MAP7: variants seen among roughly 807,000 people sequenced by gnomAD.
MAP7 encodes the protein ensconsin.
Under a neutral mutation model 94.8 loss-of-function variants are expected in MAP7, and 52 were observed. The ratio of observed to expected loss-of-function variants is 0.55; its 90% CI spans 0.44 to 0.69. The LOEUF is 0.69. Among genes scored for constraint, MAP7 ranks in the 30% least tolerant of loss-of-function variants. MAP7 has a pLI of 0.00. For missense variants in MAP7, 940 were observed against 964.6 expected (o/e 0.97, Z 0.34); for synonymous variants, 350 against 357.0 (o/e 0.98, Z 0.22).
intron 1 of MAP7, among the ~76,000 whole-genome samples, chr6:136,486,900 AAAGGT>A (rs1231774708): frequency 6.6e-6 from 1 of 152,256 alleles, no homozygotes; most frequent in Non-Finnish European, 1.5e-5. Context: ...ACATTTGACA[AAAGGT>A]AAGTAAACTT....
chr6:136,405,902 TTTGA>T (rs1785443400), intron 3 of MAP7, among the ~76,000 whole-genome samples: 1 of 152,194 alleles, frequency 6.6e-6, no homozygotes, highest in South Asian at 2.1e-4. Flanking sequence ...GGTAATCTTG[TTTGA>T]TTTTTTATTA....
At chr6:136,521,055 C>T (rs577879634) in intron 1 of MAP7, among the ~76,000 whole-genome samples, 3 of 152,264 alleles carry the variant, frequency 2.0e-5, no homozygotes, top group South Asian at 2.1e-4. Flanking sequence ...CACTGGAGCA[C>T]GCATGACCCA....
At chr6:136,491,321 C>T (rs751846829) in intron 1 of MAP7, among the ~76,000 whole-genome samples, 5 of 152,032 alleles carry the variant, frequency 3.3e-5, no homozygotes, top group Non-Finnish European at 7.4e-5. Flanking sequence ...AATATCTGAC[C>T]CAATTTATGC....
At chr6:136,516,387 G>A (rs1450321091) in intron 1 of MAP7, among the ~76,000 whole-genome samples, 3 of 152,032 alleles carry the variant, frequency 2.0e-5, no homozygotes, top group Admixed American at 6.6e-5. Flanking sequence ...TGAACTCCTG[G>A]GCTCAAATGA....
chr6:136,483,583 TA>T (rs990843806), intron 1 of MAP7, among the ~76,000 whole-genome samples: 2 of 151,752 alleles, frequency 1.3e-5, no homozygotes, highest in Non-Finnish European at 2.9e-5. Context: ...TATTGATAGT[TA>T]AAAAAAATGA....
chr6:136,510,432 G>A (rs1283082108), intron 1 of MAP7, among the ~76,000 whole-genome samples: 3 of 152,274 alleles, frequency 2.0e-5, no homozygotes, highest in South Asian at 2.1e-4. Context: ...ATGGTTACCC[G>A]TGAGTTCCGG....
chr6:136,435,491 G>A (rs1209019186), intron 1 of MAP7, among the ~76,000 whole-genome samples: 1 of 152,168 alleles, frequency 6.6e-6, no homozygotes, highest in Non-Finnish European at 1.5e-5. Flanking sequence ...CCCTCAAACT[G>A]CCACTTTTCC....
At chr6:136,344,698 A>C (rs1271289498) in intron 17 of MAP7, among the ~76,000 whole-genome samples, 5 of 152,218 alleles carry the variant, frequency 3.3e-5, no homozygotes, top group African/African-American at 9.6e-5. Context: ...ATTGTTCCCA[A>C]AGGCTTAAGA....
chr6:136,421,782 C>T lies in MAP7; in HGVS notation c.85G>A (p.Val29Met), dbSNP rs774047253. Reference sequence around the variant, plus strand: ...CTGGAGGCATTTTTCTTATCTTGCACTTTGTAGCTGTCGGGTGCTACAGAA... The same window carrying T: ...CTGGAGGCATTTTTCTTATCTTGCATTTTGTAGCTGTCGGGTGCTACAGAA... ...RSETAPDSYKVQDKKNASSRP... is the reference protein window; with the variant it reads ...RSETAPDSYKMQDKKNASSRP... The change falls in exon 2 of 18, where the codon GTG (valine) becomes ATG (methionine). Residue 29 changes from valine (V) to methionine (M), a missense_variant. Transcript: ENST00000354570. 6.2e-7 allele frequency: 1 copy of T among 1,612,424 alleles called. No individual in the cohort carries two copies. The highest frequency in any genetic ancestry group is 8.5e-7 in the Non-Finnish European group (1 of 1,179,552).
Position 136,365,611 on chromosome 6 carries a change from T to C in MAP7, c.1273+124A>G, listed in dbSNP as rs73559041. Reference sequence around the variant, plus strand: ...TTATACTTAAGGAAAGGTATTAAACTTAACCTTAGAGTAAAATTTCCAAGT... The same window carrying C: ...TTATACTTAAGGAAAGGTATTAAACCTAACCTTAGAGTAAAATTTCCAAGT... On this transcript the variant is annotated intron_variant, in intron 10 of 17. Coordinates refer to ENST00000354570, the MANE Select transcript of MAP7 (RefSeq NM_003980.6). The C allele has an allele frequency of 6.9e-3, 7,173 of 1,035,792 alleles. 116 individuals are homozygous for C. The highest frequency in any genetic ancestry group is 0.05 in the East Asian group (1,979 of 39,820). 64.2% of individuals were successfully genotyped at this position (1,035,792 alleles called of 1,614,324 possible).
intron 1 of MAP7, among the ~76,000 whole-genome samples, chr6:136,500,638 C>T (rs186934411): frequency 6.6e-6 from 1 of 152,328 alleles, no homozygotes; most frequent in African/African-American, 2.4e-5. Flanking sequence ...CTTGTGGTTA[C>T]ACTAAGTGCA....
rs112709320 is a variant in MAP7, at chr6:136,418,892, G to A, written c.166+2809C>T. 5.3e-3 allele frequency among the ~76,000 whole-genome samples: 806 copies of A among 152,216 alleles called. 11 individuals carry two copies. The highest frequency in any genetic ancestry group is 6.8e-3 in the Middle Eastern group (2 of 292). ...TCATATTGTCCTTTGAGGAGACTCAGGAAAATAATGACATGGTGGTTACTA... is the reference window on the plus strand; with the variant it reads ...TCATATTGTCCTTTGAGGAGACTCAAGAAAATAATGACATGGTGGTTACTA... On this transcript the variant is annotated intron_variant, in intron 2 of 17. Transcript: ENST00000354570.
intron 1 of MAP7, among the ~76,000 whole-genome samples, chr6:136,465,425 C>CTGAT (rs1806681960): frequency 6.6e-6 from 1 of 152,130 alleles, no homozygotes; most frequent in African/African-American, 2.4e-5. Flanking sequence ...GCTTATGCAT[C>CTGAT]AACTATGTCT....
intron 1 of MAP7, among the ~76,000 whole-genome samples, chr6:136,487,038 A>G (rs1814999453): frequency 6.6e-6 from 1 of 152,238 alleles, no homozygotes; most frequent in South Asian, 2.1e-4. Context: ...ATAAATGCAA[A>G]CTAAAACATA....
intron 3 of MAP7, among the ~76,000 whole-genome samples, chr6:136,393,539 C>CT (rs1444665323): frequency 1.3e-5 from 2 of 152,164 alleles, no homozygotes; most frequent in Non-Finnish European, 2.9e-5. Flanking sequence ...ACGCTGTACT[C>CT]TAAGGTCTTC....
intron 1 of MAP7, among the ~76,000 whole-genome samples, chr6:136,523,899 A>G (rs1827120470): frequency 6.6e-6 from 1 of 152,148 alleles, no homozygotes; most frequent in South Asian, 2.1e-4. Context: ...CTAAAAGACA[A>G]CTAAACAAAA....
At position 136,538,514 on chromosome 6, in the gene MAP7, G is replaced by A. The variant is rs762454130; in HGVS notation, c.67+11828C>T. Among the ~76,000 whole-genome samples, 14 of 152,140 alleles carry A rather than the reference G, an allele frequency of 9.2e-5. No individual in the cohort carries two copies. In the Middle Eastern group the frequency reaches 0.014, roughly 148 times the overall value. On this transcript the variant is annotated intron_variant, in intron 1 of 17. Coordinates refer to ENST00000354570, the MANE Select transcript of MAP7 (RefSeq NM_003980.6). ...AAATTTAAAACTATGGGCCAGGTGC[G>A]GTGGCTCACGCCTGTAATCCCAGCA...
At chr6:136,442,587 C>G (rs532837605) in intron 1 of MAP7, among the ~76,000 whole-genome samples, 1 of 152,238 alleles carries the variant, frequency 6.6e-6, no homozygotes, top group South Asian at 2.1e-4. Context: ...GCATTAGGCT[C>G]AGCTGTGTAT....
chr6:136,526,592 C>A, intron 1 of MAP7: 3 of 985,518 alleles, frequency 3.0e-6, no homozygotes, highest in Non-Finnish European at 3.6e-6. Context: ...TGGGAACTCA[C>A]CAGCAGAGGG....
Sources: gnomAD v4.1 joint callset for allele counts (sites outside exome capture counted in the v4.1 genomes callset) on GRCh38, gnomAD v4.1.1 for gene constraint, MANE v1.5 for transcripts, NCBI Gene and HGNC (gene_info 2026-07-23, HGNC 2026-07-21) for gene names.